The following SPNS2 variants were observed in gnomAD, a reference collection of about 807,000 sequenced individuals.
SPNS2 encodes the protein SPNS lysolipid transporter 2, sphingosine-1-phosphate, also known as sphingosine-1-phosphate transporter SPNS2.
SPNS2 carries 37 observed loss-of-function variants against 57.6 expected under a neutral mutation model. That is an observed-to-expected ratio of 0.64 (90% confidence interval 0.49 to 0.85). The LOEUF is 0.85. SPNS2 is among the 40% of genes least tolerant of loss of function. The pLI is 0.00. For missense variants in SPNS2, 831 were observed against 779.1 expected (o/e 1.07, Z -0.79); for synonymous variants, 440 against 346.9 (o/e 1.27, Z -2.98).
At position 4,513,288 on chromosome 17, in the gene SPNS2, C is replaced by G. The variant is rs745543940; in HGVS notation, c.412C>G (p.Arg138Gly). 4 of 1,613,890 alleles carry G rather than the reference C, an allele frequency of 2.5e-6. No individual in the cohort carries two copies. In the South Asian group the frequency reaches 3.3e-5, roughly 13 times the overall value. Residue 138 changes from arginine (R) to glycine (G), a missense_variant, in exon 2 of 13, where the codon CGA becomes GGA. Physicochemically the swap from Arg to Gly is moderately radical, Grantham distance 125 (BLOSUM62 -2). Transcript: ENST00000329078. ...DIQQHFGVKD[R>G]GAGLLQSVFI... is the part of the protein sequence containing the mutation. ...CCAGCAGCACTTTGGGGTCAAGGAC[C>G]GAGGCGCCGGCCTGCTGCAGTCAGG...
rs757011727 is a variant in SPNS2 at position 4,533,892 on chromosome 17, C to G, written c.1344+39C>G. ...GCCGAGGTCACCTTGTGCTGCTGACCCAGGCCTCTTGACCTCACAGGGGTG... is the reference window on the plus strand; with the variant it reads ...GCCGAGGTCACCTTGTGCTGCTGACGCAGGCCTCTTGACCTCACAGGGGTG... On this transcript the variant is annotated intron_variant, in intron 9 of 12. Coordinates refer to ENST00000329078, the MANE Select transcript of SPNS2 (RefSeq NM_001124758.3). 1.9e-6 allele frequency: 3 copies of G among 1,602,824 alleles called. No individual in the cohort carries two copies. In the African/African-American group the frequency reaches 4.0e-5, roughly 21 times the overall value.
chr17:4,533,980 A>C, intron 9 of SPNS2, 127 bp downstream of exon 9: 1 of 906,718 alleles, frequency 1.1e-6, no homozygotes, highest in Non-Finnish European at 1.7e-6. Context: ...CAGGAACGTG[A>C]ACCCAGAGGC....
intron 5 of SPNS2, 139 bp from the exon 6 acceptor site, chr17:4,532,403 A>T (rs960277254): frequency 1.5e-6 from 2 of 1,294,244 alleles, no homozygotes; most frequent in Non-Finnish European, 1.1e-6. Context: ...CAGCAGCCCA[A>T]TTAGGAAGGC....
At chr17:4,508,576 G>T (rs891534925) in intron 1 of SPNS2, among the ~76,000 whole-genome samples, 2 of 152,286 alleles carry the variant, frequency 1.3e-5, no homozygotes, top group East Asian at 1.9e-4. Context: ...ATGTGTGTGC[G>T]GTGGGCACTG....
intron 2 of SPNS2, among the ~76,000 whole-genome samples, chr17:4,519,752 T>C (rs1375825928): frequency 1.3e-5 from 2 of 152,092 alleles, no homozygotes; most frequent in African/African-American, 4.8e-5. Flanking sequence ...GGGAAGCTTC[T>C]AGCTTGGAGG....
At chr17:4,509,314 C>T (rs1342286376) in intron 1 of SPNS2, among the ~76,000 whole-genome samples, 1 of 152,218 alleles carries the variant, frequency 6.6e-6, no homozygotes, top group Non-Finnish European at 1.5e-5. Context: ...GTGGTCCACG[C>T]CTGTGGTCCC....
intron 1 of SPNS2, among the ~76,000 whole-genome samples, chr17:4,504,834 C>G (rs568967942): frequency 1.4e-4 from 22 of 152,302 alleles, no homozygotes; most frequent in African/African-American, 5.1e-4. Context: ...CAAATTCTGA[C>G]TCTCTCTGAT....
rs893542770 is a variant in SPNS2 at position 4,516,920 on chromosome 17, A to G, written c.436+3608A>G. 2.6e-5 allele frequency among the ~76,000 whole-genome samples: 4 copies of G among 152,242 alleles called. No individual in the cohort carries two copies. The East Asian group carries it at 7.7e-4, about 29-fold the overall frequency. ...AAGCTTGTTACGGTATTTTCAATATAAACATTTTTATCATGAAAAATTTTA... is the reference window on the plus strand; with the variant it reads ...AAGCTTGTTACGGTATTTTCAATATGAACATTTTTATCATGAAAAATTTTA... On this transcript the variant is annotated intron_variant, in intron 2 of 12. Transcript: ENST00000329078.
In SPNS2 at chr17:4,532,565, C is replaced by T. The variant is rs1035827680; in HGVS notation, c.816C>T (p.Ile272=). The T allele has an allele frequency of 3.5e-5, 56 of 1,614,018 alleles. 1 individual carries two copies. The East Asian group carries it at 1.2e-3, about 36-fold the overall frequency. Residue 272 remains isoleucine, a synonymous_variant, in exon 6 of 13, where the codon ATC becomes ATT. Coordinates refer to ENST00000329078, the MANE Select transcript of SPNS2 (RefSeq NM_001124758.3). The stretch of plus-strand genomic sequence containing the variant: ...AGGTGTCCCCTGTCCTGGGCATGAT[C>T]ACAGGAACACTCATCCTCATTCTGG... ...ALRVSPVLGM[I]TGTLILILVP... is the part of the protein sequence containing the mutation.
chr17:4,518,996 G>A (rs1905069571), intron 2 of SPNS2, among the ~76,000 whole-genome samples: 2 of 152,320 alleles, frequency 1.3e-5, no homozygotes, highest in South Asian at 2.1e-4. Context: ...TGAGCGTGGT[G>A]AGCTTTCAGG....
rs1905529490 is a variant in SPNS2 at position 4,532,455 on chromosome 17, A to C, written c.793-87A>C. On this transcript the variant is annotated intron_variant, in intron 5 of 12. Coordinates refer to ENST00000329078, the MANE Select transcript of SPNS2 (RefSeq NM_001124758.3). ...CAGAGGAGAAGCCTATGGCCCAGAG[A>C]AGGCATGGGCTTGCCTGAGTCCCTC... The C allele has an allele frequency of 3.2e-6, 5 of 1,576,044 alleles. No individual in the cohort carries two copies. In the East Asian group the frequency reaches 6.7e-5, roughly 21 times the overall value.
At position 4,533,359 on chromosome 17, in the gene SPNS2, T is replaced by TG. The variant is rs1433059525; in HGVS notation, c.1208dup (p.Met404HisfsTer36). On this transcript the variant is annotated frameshift_variant, in exon 8 of 13. Coordinates refer to ENST00000329078, the MANE Select transcript of SPNS2 (RefSeq NM_001124758.3). LOFTEE classifies it high-confidence loss of function. ...CGGGCCGACCCACTGGTGTGTGCCGTGGGCATGCTGGGCTCTGCCATCTTC... is the reference window on the plus strand; with the variant it reads ...CGGGCCGACCCACTGGTGTGTGCCGTGGGGCATGCTGGGCTCTGCCATCTTC... 6.2e-7 allele frequency: 1 copy of TG among 1,611,444 alleles called. No homozygotes were observed. The highest frequency in any genetic ancestry group is 8.5e-7 in the Non-Finnish European group (1 of 1,179,526).
At position 4,538,560 on chromosome 17, in the gene SPNS2, G is replaced by T. The variant is rs779519159; in HGVS notation, c.*1112G>T. On this transcript the variant is annotated 3_prime_UTR_variant, in exon 13 of 13. Transcript: ENST00000329078. Reference sequence around the variant, plus strand: ...CTTCACACCAGCCCCAACCCGCTTTGGGGGAGCTTAGCCCCCTGCGTCACC... The same window carrying T: ...CTTCACACCAGCCCCAACCCGCTTTTGGGGAGCTTAGCCCCCTGCGTCACC... 4.2e-5 allele frequency: 15 copies of T among 354,632 alleles called. No individual in the cohort carries two copies. Among genetic ancestry groups the T allele is most frequent in the Non-Finnish European group, 6.8e-5 (13 of 190,834 alleles). 22.0% of individuals were successfully genotyped at this position (354,632 alleles called of 1,614,324 possible). A position where few individuals can be genotyped will look rare whatever the true frequency, so the allele number is the denominator to read the frequency against.
In SPNS2 at chr17:4,533,792, G is replaced by T; in HGVS notation, c.1283G>T (p.Cys428Phe). ...AKSSIVGAYI[C>F]IFVGETLLFS... Reference sequence around the variant, plus strand: ...GCTTTGCCTTCTCCCCGGCAGATCTGTATCTTCGTCGGGGAGACGCTGCTG... The same window carrying T: ...GCTTTGCCTTCTCCCCGGCAGATCTTTATCTTCGTCGGGGAGACGCTGCTG... Residue 428 changes from cysteine to phenylalanine, a missense_variant, in exon 9 of 13, where the codon TGT becomes TTT. Transcript: ENST00000329078. 1 of 1,613,766 alleles carries T rather than the reference G, an allele frequency of 6.2e-7. No homozygotes were observed. Among genetic ancestry groups the T allele is most frequent in the Non-Finnish European group, 8.5e-7 (1 of 1,180,008 alleles).
At chr17:4,516,038 C>T (rs1322073933) in intron 2 of SPNS2, among the ~76,000 whole-genome samples, 15 of 152,242 alleles carry the variant, frequency 9.9e-5, no homozygotes, top group Admixed American at 2.0e-4. Flanking sequence ...ATAGGCTGGG[C>T]GCCTATGGCT....
At chr17:4,514,045 A>G (rs1472649704) in intron 2 of SPNS2, among the ~76,000 whole-genome samples, 1 of 152,176 alleles carries the variant, frequency 6.6e-6, no homozygotes, top group Non-Finnish European at 1.5e-5. Flanking sequence ...TGCCTTCCCC[A>G]TGACATGGCC....
At position 4,513,000 on chromosome 17, in the gene SPNS2, C is replaced by T. The variant is rs1397158055; in HGVS notation, c.371-247C>T. ...GGTTGCCCATGGGGCAGAATGACCG[C>T]AGAGGAGCCCTGCCTTTCCCTGCCC... is the stretch of plus-strand genomic sequence containing the variant. On this transcript the variant is annotated intron_variant, in intron 1 of 12. Transcript: ENST00000329078. This position sits in a 1 kb window ranked among gnomAD's most constrained non-coding sequence, Gnocchi z 5.2. Among the ~76,000 whole-genome samples, 1 of 152,236 alleles carries T rather than the reference C, an allele frequency of 6.6e-6. No individual in the cohort carries two copies. The highest frequency in any genetic ancestry group is 1.5e-5 in the Non-Finnish European group (1 of 68,036).
chr17:4,537,581 C>T lies in SPNS2; in HGVS notation c.*133C>T, dbSNP rs1164598252. 2.2e-6 allele frequency: 1 copy of T among 456,798 alleles called. No individual in the cohort carries two copies. Among genetic ancestry groups the T allele is most frequent in the Admixed American group, 2.3e-5 (1 of 42,594 alleles). 28.3% of individuals were successfully genotyped at this position (456,798 alleles called of 1,614,324 possible). On this transcript the variant is annotated 3_prime_UTR_variant, in exon 13 of 13. Transcript: ENST00000329078. ...CGGCTAGGCACCCACCCTCTCTGGCCCAGGCCTGCTGAGTGGCCCTGGCAT... is the reference window on the plus strand; with the variant it reads ...CGGCTAGGCACCCACCCTCTCTGGCTCAGGCCTGCTGAGTGGCCCTGGCAT...
chr17:4,508,868 C>G (rs960984159), intron 1 of SPNS2, among the ~76,000 whole-genome samples: 2 of 152,216 alleles, frequency 1.3e-5, no homozygotes, highest in African/African-American at 2.4e-5. Context: ...ACAGCGTTAG[C>G]TCCTTGAGTC....
Sources: allele counts gnomAD v4.1 joint callset (sites outside exome capture counted in the v4.1 genomes callset), GRCh38; gene constraint gnomAD v4.1.1; non-coding constraint Gnocchi (gnomAD v3.1); transcripts MANE v1.5; gene names NCBI Gene and HGNC (gene_info 2026-07-23, HGNC 2026-07-21).